The following IL13RA1 variants were observed in gnomAD, a reference collection of about 807,000 sequenced individuals.
IL13RA1 encodes the protein interleukin 13 receptor subunit alpha 1, also known as interleukin-13 receptor subunit alpha-1.
IL13RA1 carries 14 observed loss-of-function variants against 33.8 expected under a neutral mutation model. The ratio of observed to expected loss-of-function variants is 0.41; its 90% CI spans 0.27 to 0.65. The LOEUF (loss-of-function observed/expected upper bound fraction) is 0.65, where lower values mean the gene tolerates loss of function less well. Ranked by LOEUF, IL13RA1 falls within the 30% of genes least tolerant of loss-of-function variation. The pLI is 0.28. For missense variants in IL13RA1, 313 were observed against 327.0 expected, an observed-to-expected ratio of 0.96 and a Z score of 0.33; for synonymous variants, 116 against 115.7, an observed-to-expected ratio of 1.00 and a Z score of -0.02.
chrX:118,791,668 C>G (rs1603224656), intron 10 of IL13RA1, 94 bp from the exon 11 acceptor site: 1 of 399,660 alleles, frequency 2.5e-6, no homozygotes, highest in East Asian at 4.4e-5. Flanking sequence ...GTTCCATCCA[C>G]ACAAACCTAA....
At chrX:118,733,542 A>G (rs2017246635) in intron 1 of IL13RA1, among the ~76,000 whole-genome samples, 1 of 111,567 alleles carries the variant, frequency 9.0e-6, no homozygotes. Flanking sequence ...CCCTTATCAG[A>G]TATATGATTT....
At chrX:118,799,348 A>G (rs1395964172), downstream of IL13RA1, among the ~76,000 whole-genome samples, 3 of 113,346 alleles carry the variant, frequency 2.6e-5, no homozygotes, top group South Asian at 1.1e-3. Flanking sequence ...GCGAGCGCAC[A>G]GTGCAGGACT....
At chrX:118,749,634 A>C in intron 3 of IL13RA1, 24 bp from the exon 4 acceptor site, 1 of 1,203,617 alleles carries the variant, frequency 8.3e-7, no homozygotes. Flanking sequence ...GAAGGGTCTT[A>C]AACTCTTGGC....
At chrX:118,799,097 C>G (rs895941467), downstream of IL13RA1, among the ~76,000 whole-genome samples, 36 of 113,131 alleles carry the variant, frequency 3.2e-4, no homozygotes, top group African/African-American at 1.1e-3. Context: ...ACTTAGCACC[C>G]GGGCCAATGG....
chrX:118,744,585 T>G (rs1037019349), intron 2 of IL13RA1, among the ~76,000 whole-genome samples: 6 of 110,775 alleles, frequency 5.4e-5, no homozygotes, highest in African/African-American at 1.6e-4. Context: ...GTATTTTTAG[T>G]GGAGACAGTG....
rs767980902 is a variant in IL13RA1 at position 118,759,627 on chromosome X, TAAAG to T, written c.676+1386_676+1389del. Among the ~76,000 whole-genome samples the T allele has an allele frequency of 6.3e-5, 7 of 111,671 alleles. No homozygotes were observed. In the East Asian group the frequency reaches 8.4e-4, roughly 13 times the overall value. On this transcript the variant is annotated intron_variant, in intron 5 of 10. Coordinates refer to ENST00000371666, the MANE Select transcript of IL13RA1 (RefSeq NM_001560.3). ...TCCTCTCTGGATATTAATGGTGACA[TAAAG>T]GAAGAAGGAAGATCCTTCTCAGATA...
intron 6 of IL13RA1, among the ~76,000 whole-genome samples, chrX:118,762,211 C>CT (rs2017597356): frequency 8.9e-6 from 1 of 112,804 alleles, no homozygotes; most frequent in Non-Finnish European, 1.9e-5. Context: ...GGGCCTCACA[C>CT]TTTTTTGTGT....
At chrX:118,781,598 C>T (rs934416049) in intron 10 of IL13RA1, among the ~76,000 whole-genome samples, 10 of 112,606 alleles carry the variant, frequency 8.9e-5, no homozygotes, top group Non-Finnish European at 1.1e-4. Flanking sequence ...GTGGTCCGCC[C>T]GCCTTGGCCT....
downstream of IL13RA1, among the ~76,000 whole-genome samples, chrX:118,798,319 C>CTTT (rs35333895): frequency 0.29 from 31,797 of 109,933 alleles, 4,236 homozygotes; most frequent in African/African-American, 0.48. Flanking sequence ...TATTGTCTCC[C>CTTT]CTTTATTTTT....
intron 4 of IL13RA1, among the ~76,000 whole-genome samples, chrX:118,750,726 A>G (rs769518727): frequency 9.0e-6 from 1 of 110,519 alleles, no homozygotes; most frequent in East Asian, 2.8e-4. Flanking sequence ...TTCACCTTAC[A>G]TTTCCACTAG....
downstream of IL13RA1, among the ~76,000 whole-genome samples, chrX:118,798,033 C>T (rs1031755090): frequency 2.7e-5 from 3 of 111,352 alleles, no homozygotes; most frequent in Non-Finnish European, 5.7e-5. Context: ...CATGTTTTAC[C>T]TGTTTCTTTT....
chrX:118,770,469 C>A, intron 8 of IL13RA1: 1 of 442,190 alleles, frequency 2.3e-6, no homozygotes. Flanking sequence ...CCAACTGGCG[C>A]TGGCTGGTCT....
At chrX:118,756,968 T>C (rs1001288509) in intron 4 of IL13RA1, among the ~76,000 whole-genome samples, 7 of 110,626 alleles carry the variant, frequency 6.3e-5, no homozygotes, top group Non-Finnish European at 1.3e-4. Flanking sequence ...AAACTGGATG[T>C]GAGTGGATGA....
chrX:118,733,852 C>T (rs1297722870), intron 1 of IL13RA1, among the ~76,000 whole-genome samples: 1 of 111,334 alleles, frequency 9.0e-6, no homozygotes, highest in Non-Finnish European at 1.9e-5. Flanking sequence ...ATCCAGTTTT[C>T]CCAGCACCAT....
At chrX:118,756,134 A>G (rs763943007) in intron 4 of IL13RA1, among the ~76,000 whole-genome samples, 1 of 111,053 alleles carries the variant, frequency 9.0e-6, no homozygotes, top group South Asian at 3.8e-4. Flanking sequence ...AGAAACCTGC[A>G]TTTTAAAGTA....
chrX:118,760,066 A>G (rs1458266781), intron 5 of IL13RA1, among the ~76,000 whole-genome samples: 1 of 112,492 alleles, frequency 8.9e-6, no homozygotes, highest in Non-Finnish European at 1.9e-5. Flanking sequence ...TTATAAACAC[A>G]CAACATTAAA....
intron 3 of IL13RA1, 25 bp from the exon 4 acceptor site, chrX:118,749,633 T>G: frequency 8.3e-7 from 1 of 1,203,458 alleles, no homozygotes; most frequent in Non-Finnish European, 1.1e-6. Context: ...AGAAGGGTCT[T>G]AAACTCTTGG....
chrX:118,743,494 C>A (rs2017368906), intron 2 of IL13RA1, among the ~76,000 whole-genome samples: 1 of 111,451 alleles, frequency 9.0e-6, no homozygotes, highest in African/African-American at 3.3e-5. Flanking sequence ...AATAGTTCCT[C>A]AGCTGGCAAG....
intron 6 of IL13RA1, 23 bp from the exon 7 acceptor site, chrX:118,766,503 GTTTA>G (rs775950684): frequency 1.6e-5 from 13 of 817,638 alleles, no homozygotes; most frequent in Admixed American, 1.1e-4. Flanking sequence ...GGACTCATTA[GTTTA>G]TTTATTTATT....
Sources: allele counts gnomAD v4.1 joint callset (sites outside exome capture counted in the v4.1 genomes callset), GRCh38; gene constraint gnomAD v4.1.1; transcripts MANE v1.5; gene names NCBI Gene and HGNC (gene_info 2026-07-23, HGNC 2026-07-21).